Variants in ASRGL1 observed in about 807,000 individuals in gnomAD.
The protein encoded by ASRGL1 is isoaspartyl peptidase/L-asparaginase.
ASRGL1 carries 16 observed loss-of-function variants against 22.4 expected under a neutral mutation model. The observed-to-expected ratio is 0.71, with a 90% confidence interval of 0.48 to 1.08. The LOEUF (loss-of-function observed/expected upper bound fraction) is 1.08, where lower values mean the gene tolerates loss of function less well. Ranked by LOEUF, ASRGL1 falls within the 50% of genes least tolerant of loss-of-function variation. ASRGL1 has a pLI of 0.00. For missense variants in ASRGL1, 412 were observed against 410.1 expected, an observed-to-expected ratio of 1.00 and a Z score of -0.04; for synonymous variants, 165 against 159.3, an observed-to-expected ratio of 1.04 and a Z score of -0.27.
chr11:62,380,707 G>A (rs1471844163), intron 4 of ASRGL1, among the ~76,000 whole-genome samples: 3 of 152,034 alleles, frequency 2.0e-5, no homozygotes, highest in Admixed American at 6.6e-5. Flanking sequence ...ACCTAATAAT[G>A]TTCTCATATA....
At chr11:62,364,158 C>A (rs75424892) in intron 4 of ASRGL1, among the ~76,000 whole-genome samples, 927 of 93,308 alleles carry the variant, frequency 9.9e-3, no homozygotes, top group African/African-American at 0.013. Flanking sequence ...GAGTCCGTCT[C>A]AAAAAAAAAA....
chr11:62,356,406 C>G lies in ASRGL1; in HGVS notation c.272C>G (p.Ala91Gly). ...GATGGAAAAGACCTGTCTGCAGGAGCAGTGTCCGCAGTCCAGTGTATAGCA... is the reference window on the plus strand; with the variant it reads ...GATGGAAAAGACCTGTCTGCAGGAGGAGTGTCCGCAGTCCAGTGTATAGCA... ...IMDGKDLSAG[A>G]VSAVQCIANP... The change falls in exon 3 of 7, where the codon GCA becomes GGA. Residue 91 changes from alanine to glycine, a missense_variant. By Grantham distance (60) the Ala-to-Gly change is moderately conservative. Transcript: ENST00000415229. The G allele has an allele frequency of 1.2e-6, 2 of 1,614,164 alleles. No individual in the cohort carries two copies. Among genetic ancestry groups the G allele is most frequent in the Non-Finnish European group, 1.7e-6 (2 of 1,179,974 alleles).
intron 4 of ASRGL1, chr11:62,381,722 C>T (rs2134683456): frequency 6.6e-6 from 1 of 152,164 alleles, no homozygotes; most frequent in South Asian, 2.1e-4. Context: ...TCTAACTCCC[C>T]CCTTTTTAAA....
intron 4 of ASRGL1, among the ~76,000 whole-genome samples, chr11:62,362,267 C>T (rs1479116672): frequency 2.0e-5 from 3 of 150,704 alleles, no homozygotes; most frequent in Admixed American, 1.3e-4. Flanking sequence ...CTCAGGTGCA[C>T]GATGAGAATA....
chr11:62,389,266 T>A lies in ASRGL1; in HGVS notation c.610+15T>A. Reference sequence around the variant, plus strand: ...ACCGTGTCTAGGTAGGACCAAGGGATGCCTCCTGCCCCTTCCCCTCTTCTC... The same window carrying A: ...ACCGTGTCTAGGTAGGACCAAGGGAAGCCTCCTGCCCCTTCCCCTCTTCTC... On this transcript the variant is annotated intron_variant, in intron 5 of 6. Transcript: ENST00000415229. The A allele has an allele frequency of 6.3e-7, 1 of 1,598,674 alleles. No homozygotes were observed. Among genetic ancestry groups the A allele is most frequent in the Non-Finnish European group, 8.6e-7 (1 of 1,165,964 alleles).
intron 4 of ASRGL1, among the ~76,000 whole-genome samples, chr11:62,375,481 T>TATATATATA (rs1565169625): frequency 5.1e-4 from 43 of 84,668 alleles, no homozygotes; most frequent in Non-Finnish European, 7.3e-4. Context: ...TATATATATA[T>TATATATATA]TTCTTGGAGT....
chr11:62,343,708 A>G (rs1312642940), intron 2 of ASRGL1, among the ~76,000 whole-genome samples: 9 of 147,472 alleles, frequency 6.1e-5, no homozygotes, highest in African/African-American at 2.2e-4. Context: ...AGTCTGGGCA[A>G]CAAAGCAAGA....
intron 4 of ASRGL1, among the ~76,000 whole-genome samples, chr11:62,388,443 T>C (rs11231071): frequency 2.6e-4 from 39 of 151,810 alleles, no homozygotes; most frequent in Non-Finnish European, 1.5e-4. Flanking sequence ...AAGGCAGGCG[T>C]ATCACCTGAG....
chr11:62,400,970 G>A, the ASRGL1 span, among the ~76,000 whole-genome samples: 11 of 152,144 alleles, frequency 7.2e-5, no homozygotes, highest in African/African-American at 1.7e-4. Context: ...TGGCCTCTGC[G>A]CCCCGCCCTG....
intron 4 of ASRGL1, 77 bp downstream of exon 4, chr11:62,357,221 G>C (rs1590720174): frequency 1.5e-6 from 1 of 645,834 alleles, no homozygotes; most frequent in East Asian, 3.1e-5. Flanking sequence ...GTTATCTACA[G>C]TTCTTTTGTT....
At chr11:62,386,473 G>GATATGTACATATAATACATATCATAA (rs1947211030) in intron 4 of ASRGL1, among the ~76,000 whole-genome samples, 1 of 149,182 alleles carries the variant, frequency 6.7e-6, no homozygotes, top group Non-Finnish European at 1.5e-5. Flanking sequence ...ACATATCATA[G>GATATGTACATATAATACATATCATAA]ATATGTACAT....
intron 2 of ASRGL1, among the ~76,000 whole-genome samples, chr11:62,347,623 T>A (rs1009498084): frequency 7.6e-6 from 1 of 131,638 alleles, no homozygotes; most frequent in East Asian, 2.2e-4. Flanking sequence ...TTGAAAATAT[T>A]TGGGGAAAAA....
Position 62,392,884 on chromosome 11 carries a change from G to C in ASRGL1, c.*600G>C, listed in dbSNP as rs1258318438. The C allele has an allele frequency of 6.5e-6, 1 of 154,868 alleles. No homozygotes were observed. Among genetic ancestry groups the C allele is most frequent in the African/African-American group, 2.4e-5 (1 of 41,582 alleles). The allele number at this position is 154,868 out of a possible 1,614,324, so 9.6% of individuals were successfully genotyped here. A position where few individuals can be genotyped will look rare whatever the true frequency, so the allele number is the denominator to read the frequency against. ...GTTCAGCCCTTCTCTGACTTACCTG[G>C]ACATTTCTAGATACTTCCAAAGGAC... is the stretch of plus-strand genomic sequence containing the variant. On this transcript the variant is annotated 3_prime_UTR_variant, in exon 7 of 7. Transcript: ENST00000415229.
At chr11:62,389,810 T>A (rs148539824) in intron 5 of ASRGL1, 54 of 179,748 alleles carry the variant, frequency 3.0e-4, no homozygotes, top group African/African-American at 1.3e-3. Flanking sequence ...GTGCAGACTT[T>A]CACACTTGTC....
chr11:62,356,066 C>T (rs1946284367), intron 2 of ASRGL1, among the ~76,000 whole-genome samples: 1 of 152,210 alleles, frequency 6.6e-6, no homozygotes, highest in African/African-American at 2.4e-5. Flanking sequence ...AATCTTTTCC[C>T]CACCTTTCCC....
chr11:62,337,817 A>T, intron 1 of ASRGL1, 73 bp from the exon 2 acceptor site: 1 of 722,768 alleles, frequency 1.4e-6, no homozygotes, highest in Non-Finnish European at 2.1e-6. Flanking sequence ...ACCAAGCTCG[A>T]CCGAGCCGCC....
chr11:62,398,154 G>C (rs2134716142), downstream of ASRGL1, among the ~76,000 whole-genome samples: 1 of 152,164 alleles, frequency 6.6e-6, no homozygotes, highest in East Asian at 1.9e-4. Flanking sequence ...GGAGGGTTTG[G>C]AAAGGGAAAT....
chr11:62,362,737 A>G, intron 4 of ASRGL1, among the ~76,000 whole-genome samples: 1 of 86,256 alleles, frequency 1.2e-5, no homozygotes, highest in South Asian at 3.5e-4. Context: ...ATAAAATATA[A>G]TATATATTAT....
intron 2 of ASRGL1, among the ~76,000 whole-genome samples, chr11:62,355,928 A>G (rs2134604305): frequency 6.6e-6 from 1 of 152,300 alleles, no homozygotes; most frequent in South Asian, 2.1e-4. Context: ...CAGAGAGCAC[A>G]GGGTTGGGGG....
Sources: allele counts gnomAD v4.1 joint callset (sites outside exome capture counted in the v4.1 genomes callset), GRCh38; gene constraint gnomAD v4.1.1; transcripts MANE v1.5; gene names NCBI Gene and HGNC (gene_info 2026-07-23, HGNC 2026-07-21).